Variants in WWTR1 observed in about 807,000 individuals in gnomAD.
WWTR1 encodes the protein WW domain containing transcription regulator 1.
A neutral mutation model predicts 40.1 loss-of-function variants in WWTR1; 13 were observed. The ratio of observed to expected loss-of-function variants is 0.32; its 90% CI spans 0.21 to 0.52. The LOEUF is 0.52. Ranked by LOEUF, WWTR1 falls within the 20% of genes least tolerant of loss-of-function variation. The pLI is 0.97. For synonymous variants in WWTR1, 230 were observed against 210.1 expected (o/e 1.09, Z -0.82); for missense variants, 436 against 523.1 (o/e 0.83, Z 1.63).
intron 3 of WWTR1, among the ~76,000 whole-genome samples, chr3:149,546,150 G>A (rs953884937): frequency 6.6e-6 from 1 of 152,126 alleles, no homozygotes; most frequent in African/African-American, 2.4e-5. Flanking sequence ...AGGAGGTAAT[G>A]GTGGAAACAC....
chr3:149,672,455 G>C (rs1396239391), intron 1 of WWTR1, among the ~76,000 whole-genome samples: 31 of 152,188 alleles, frequency 2.0e-4, no homozygotes, highest in Non-Finnish European at 7.3e-5. Flanking sequence ...AAGGAGGGTG[G>C]AACAAATTGT....
At chr3:149,539,103 T>C (rs182682640) in intron 4 of WWTR1, among the ~76,000 whole-genome samples, 28 of 152,314 alleles carry the variant, frequency 1.8e-4, no homozygotes, top group African/African-American at 5.8e-4. Context: ...AGGTGACCCT[T>C]TGGCATTGTG....
chr3:149,561,621 G>T (rs1468940941), intron 3 of WWTR1, among the ~76,000 whole-genome samples: 2 of 152,188 alleles, frequency 1.3e-5, no homozygotes, highest in African/African-American at 4.8e-5. Flanking sequence ...TAGTAATAGT[G>T]ACCAACCAGA....
Position 149,656,953 on chromosome 3 carries a change from G to T in WWTR1, c.354C>A (p.Tyr118Ter). 6.3e-7 allele frequency: 1 copy of T among 1,594,030 alleles called. No individual in the cohort carries two copies. Among genetic ancestry groups the T allele is most frequent in the South Asian group, 1.1e-5 (1 of 88,622 alleles). The change falls in exon 2 of 7, where the codon TAC (tyrosine) becomes TAA (stop). Residue 118 changes from tyrosine to a stop codon, truncating the protein, a stop_gained. Transcript: ENST00000360632. LOFTEE classifies it high-confidence loss of function. ...GCAGTGGCAGCTCGTCGGTCACGTC[G>T]TAGGACTGCTGGCGGAGGTGCGCGT... ...QQHAHLRQQS[Y>*]DVTDELPLPP...
At chr3:149,528,460 C>T (rs1735430984) in intron 4 of WWTR1, among the ~76,000 whole-genome samples, 1 of 152,104 alleles carries the variant, frequency 6.6e-6, no homozygotes, top group Non-Finnish European at 1.5e-5. Context: ...TGTTTACAGA[C>T]AGGAAAGCAA....
chr3:149,577,746 T>A (rs6783947), intron 2 of WWTR1, among the ~76,000 whole-genome samples: 3,113 of 152,356 alleles, frequency 0.02, 43 homozygotes, highest in Non-Finnish European at 0.031. Context: ...GAAAGCCATT[T>A]TATTTAACAG....
chr3:149,706,613 C>A (rs1215156303), upstream of WWTR1, among the ~76,000 whole-genome samples: 1 of 152,114 alleles, frequency 6.6e-6, no homozygotes, highest in Admixed American at 6.5e-5. Context: ...GCCACCATGC[C>A]TGGCCAACAC....
intron 2 of WWTR1, among the ~76,000 whole-genome samples, chr3:149,622,949 A>G (rs1740382063): frequency 6.6e-6 from 1 of 152,220 alleles, no homozygotes; most frequent in Non-Finnish European, 1.5e-5. Flanking sequence ...TGAGTTTATC[A>G]TTATTCTTTC....
At chr3:149,559,674 G>A (rs1396118065) in intron 3 of WWTR1, among the ~76,000 whole-genome samples, 1 of 152,208 alleles carries the variant, frequency 6.6e-6, no homozygotes, top group Non-Finnish European at 1.5e-5. Context: ...CAGAGAAACT[G>A]TGTTATGTAT....
At chr3:149,538,608 A>G (rs1472622875) in intron 4 of WWTR1, among the ~76,000 whole-genome samples, 4 of 152,224 alleles carry the variant, frequency 2.6e-5, no homozygotes, top group African/African-American at 9.6e-5. Context: ...GCTTCAGAAG[A>G]TTCCTTATCA....
upstream of WWTR1, among the ~76,000 whole-genome samples, chr3:149,707,906 C>A (rs769255380): frequency 3.9e-5 from 6 of 151,944 alleles, no homozygotes; most frequent in Non-Finnish European, 5.9e-5. Flanking sequence ...ATGGTCATAC[C>A]AATTGGTATG....
rs75523180 is a variant in WWTR1, at chr3:149,524,838, A to C, written c.1018+1175T>G. 8.8e-3 allele frequency among the ~76,000 whole-genome samples: 1,333 copies of C among 152,312 alleles called. 16 individuals carry two copies. The highest frequency in any genetic ancestry group is 0.03 in the African/African-American group (1,254 of 41,576). ...CTATGGCAAACACTTTGGGGGAAGG[A>C]ATTTTTTATTTTCAACACAAAACAA... On this transcript the variant is annotated intron_variant, in intron 6 of 6. Coordinates refer to ENST00000360632, the MANE Select transcript of WWTR1 (RefSeq NM_015472.6).
intron 4 of WWTR1, among the ~76,000 whole-genome samples, chr3:149,541,474 G>A (rs952547977): frequency 3.3e-5 from 5 of 152,134 alleles, no homozygotes; most frequent in Non-Finnish European, 5.9e-5. Context: ...GCACTCTGTT[G>A]GAGTCCATAT....
At chr3:149,636,666 A>G (rs1711828578) in intron 2 of WWTR1, among the ~76,000 whole-genome samples, 1 of 152,352 alleles carries the variant, frequency 6.6e-6, no homozygotes, top group Admixed American at 6.5e-5. Context: ...GTATTGGCTT[A>G]TTGCATAGGA....
chr3:149,692,924 C>T (rs990345923), intron 1 of WWTR1, among the ~76,000 whole-genome samples: 27 of 152,154 alleles, frequency 1.8e-4, no homozygotes, highest in African/African-American at 5.3e-4. Flanking sequence ...TGTAAGCCAC[C>T]GTGCATGGCT....
chr3:149,709,014 T>TA (rs1715401166), intron 5 of WWTR1, among the ~76,000 whole-genome samples: 1 of 152,086 alleles, frequency 6.6e-6, no homozygotes, highest in Non-Finnish European at 1.5e-5. Flanking sequence ...TATTTATATT[T>TA]TATTTTTCTT....
intron 1 of WWTR1, chr3:149,703,020 T>C (rs1324946216): frequency 6.6e-6 from 1 of 152,244 alleles, no homozygotes; most frequent in African/African-American, 2.4e-5. Context: ...ATGGAGTTAA[T>C]TCCTTGCTTA....
intron 4 of WWTR1, among the ~76,000 whole-genome samples, chr3:149,722,632 G>C (rs1715779764): frequency 6.6e-6 from 1 of 151,620 alleles, no homozygotes. Flanking sequence ...TTCTCTCTCT[G>C]TTCACCTTCT....
intron 2 of WWTR1, among the ~76,000 whole-genome samples, chr3:149,596,954 T>C (rs566621631): frequency 6.6e-6 from 1 of 152,260 alleles, no homozygotes; most frequent in South Asian, 2.1e-4. Flanking sequence ...ACAAAGACCT[T>C]AGAACAAAAC....
Sources: gnomAD v4.1 joint callset for allele counts (sites outside exome capture counted in the v4.1 genomes callset) on GRCh38, gnomAD v4.1.1 for gene constraint, MANE v1.5 for transcripts, NCBI Gene and HGNC (gene_info 2026-07-23, HGNC 2026-07-21) for gene names.